The following NLGN1 variants were observed in gnomAD, a reference collection of about 807,000 sequenced individuals.
NLGN1 encodes neuroligin-1.
A neutral mutation model predicts 65.5 loss-of-function variants in NLGN1; 12 were observed. That is an observed-to-expected ratio of 0.18 (90% CI 0.12 to 0.30). NLGN1 has a LOEUF of 0.30. Ranked by LOEUF, NLGN1 falls within the 10% of genes least tolerant of loss-of-function variation. NLGN1 has a pLI of 1.00. For missense variants in NLGN1, 750 were observed against 1,007.1 expected (o/e 0.74, Z 3.46); for synonymous variants, 350 against 359.5 (o/e 0.97, Z 0.30).
At chr3:173,790,702 T>G (rs1712527294) in intron 3 of NLGN1, among the ~76,000 whole-genome samples, 1 of 152,100 alleles carries the variant, frequency 6.6e-6, no homozygotes, top group Admixed American at 6.6e-5. Context: ...TGTGTGTGTG[T>G]TTGTGTATTA....
chr3:174,072,086 A>T (rs566855164), intron 4 of NLGN1, among the ~76,000 whole-genome samples: 1 of 152,214 alleles, frequency 6.6e-6, no homozygotes, highest in Admixed American at 6.5e-5. Context: ...TAATTATGTT[A>T]CCTGGTTGCA....
chr3:173,592,252 A>T (rs902227271), intron 2 of NLGN1, among the ~76,000 whole-genome samples: 10 of 152,030 alleles, frequency 6.6e-5, no homozygotes, highest in East Asian at 1.9e-4. Flanking sequence ...TTAATGTTAA[A>T]TTTTTTTTCA....
At chr3:174,226,831 C>T (rs1739808073) in intron 4 of NLGN1, among the ~76,000 whole-genome samples, 1 of 152,120 alleles carries the variant, frequency 6.6e-6, no homozygotes, top group African/African-American at 2.4e-5. Context: ...TATGGCCATT[C>T]TATCCAAATT....
chr3:173,985,106 C>T (rs906789508), intron 4 of NLGN1, among the ~76,000 whole-genome samples: 3 of 152,186 alleles, frequency 2.0e-5, no homozygotes, highest in African/African-American at 7.2e-5. Flanking sequence ...CTCTTCTGCT[C>T]TAGAAGCTCT....
At chr3:174,032,437 C>T (rs1245935609) in intron 4 of NLGN1, among the ~76,000 whole-genome samples, 1 of 152,072 alleles carries the variant, frequency 6.6e-6, no homozygotes, top group Non-Finnish European at 1.5e-5. Flanking sequence ...GTTTGATAAC[C>T]ATTGGTGTAC....
At chr3:173,653,800 C>T (rs529347176) in intron 3 of NLGN1, among the ~76,000 whole-genome samples, 3 of 152,216 alleles carry the variant, frequency 2.0e-5, no homozygotes, top group East Asian at 3.9e-4. Flanking sequence ...GCCTCACAGA[C>T]ACTTTCTAGG....
At chr3:174,207,201 GA>G (rs11336101) in intron 4 of NLGN1, among the ~76,000 whole-genome samples, 28,681 of 136,406 alleles carry the variant, frequency 0.21, 3,053 homozygotes, top group African/African-American at 0.29. Flanking sequence ...GCTCATTCAT[GA>G]AAAAAAAAAA....
chr3:173,608,523 CTCTG>C (rs143618985), intron 3 of NLGN1, among the ~76,000 whole-genome samples: 4,183 of 151,884 alleles, frequency 0.028, 82 homozygotes, highest in Middle Eastern at 0.041. Context: ...AAGTATATTA[CTCTG>C]TCTGTTTTTT....
intron 3 of NLGN1, among the ~76,000 whole-genome samples, chr3:173,612,598 T>C (rs1406802029): frequency 6.6e-6 from 1 of 152,096 alleles, no homozygotes; most frequent in East Asian, 1.9e-4. Context: ...CATGTCTTCA[T>C]GCGGTCTTCT....
intron 4 of NLGN1, among the ~76,000 whole-genome samples, chr3:173,975,728 C>T (rs1011459275): frequency 1.1e-4 from 17 of 151,920 alleles, no homozygotes; most frequent in African/African-American, 3.1e-4. Flanking sequence ...CTTCACTGAG[C>T]ACCCTATCAA....
chr3:174,293,105 C>T, the NLGN1 span, among the ~76,000 whole-genome samples: 1 of 151,432 alleles, frequency 6.6e-6, no homozygotes, highest in Non-Finnish European at 1.5e-5. Flanking sequence ...AGTTCTGCTT[C>T]AGGAAGAACG....
chr3:174,142,667 C>T (rs562965084), intron 4 of NLGN1, among the ~76,000 whole-genome samples: 1 of 150,242 alleles, frequency 6.7e-6, no homozygotes, highest in Admixed American at 6.6e-5. Context: ...TAAAACATAG[C>T]AAGACATCTA....
chr3:173,726,974 A>C (rs528962640), intron 3 of NLGN1, among the ~76,000 whole-genome samples: 1 of 152,138 alleles, frequency 6.6e-6, no homozygotes. Context: ...AAGAAGAAAA[A>C]ATAATCAAGA....
chr3:173,901,805 G>T (rs1737431042), intron 4 of NLGN1, among the ~76,000 whole-genome samples: 1 of 152,030 alleles, frequency 6.6e-6, no homozygotes, highest in Admixed American at 6.6e-5. Context: ...TCACTGCACT[G>T]CCCTTCAAGA....
At chr3:173,471,248 T>A (rs1725267003) in intron 2 of NLGN1, among the ~76,000 whole-genome samples, 1 of 152,002 alleles carries the variant, frequency 6.6e-6, no homozygotes, top group Non-Finnish European at 1.5e-5. Context: ...GTACAACAAA[T>A]TAGGTGGATT....
At chr3:174,260,985 A>G (rs1746777982) in intron 4 of NLGN1, among the ~76,000 whole-genome samples, 1 of 151,774 alleles carries the variant, frequency 6.6e-6, no homozygotes, top group Non-Finnish European at 1.5e-5. Context: ...GTCAAAGATC[A>G]GATAGTTGTA....
At chr3:174,116,336 T>C (rs1295629342) in intron 4 of NLGN1, among the ~76,000 whole-genome samples, 7 of 134,812 alleles carry the variant, frequency 5.2e-5, no homozygotes, top group African/African-American at 8.4e-5. Context: ...TTTTCTTTTT[T>C]TTTTTTTTTT....
chr3:173,473,996 G>T (rs558645321), intron 2 of NLGN1, among the ~76,000 whole-genome samples: 1 of 152,138 alleles, frequency 6.6e-6, no homozygotes, highest in Non-Finnish European at 1.5e-5. Context: ...GAGTGCCAGC[G>T]TTAGCCTCAA....
At chr3:173,975,179 T>G (rs144321844) in intron 4 of NLGN1, among the ~76,000 whole-genome samples, 1 of 152,170 alleles carries the variant, frequency 6.6e-6, no homozygotes, top group African/African-American at 2.4e-5. Context: ...TGTCTCTTCT[T>G]GGATGCCTTG....
Sources: gnomAD v4.1 joint callset for allele counts (sites outside exome capture counted in the v4.1 genomes callset) on GRCh38, gnomAD v4.1.1 for gene constraint, MANE v1.5 for transcripts, NCBI Gene and HGNC (gene_info 2026-07-23, HGNC 2026-07-21) for gene names.